OSTF1: variants seen among roughly 807,000 people sequenced by gnomAD.
The protein encoded by OSTF1 is osteoclast-stimulating factor 1.
Under a neutral mutation model 37.2 loss-of-function variants are expected in OSTF1, and 27 were observed. The ratio of observed to expected loss-of-function variants is 0.73; its 90% confidence interval spans 0.54 to 1.00. The LOEUF (loss-of-function observed/expected upper bound fraction) is 1.00, where lower values mean the gene tolerates loss of function less well. Among genes scored for constraint, OSTF1 ranks in the 50% least tolerant of loss-of-function variants. OSTF1 has a pLI of 0.00. For synonymous variants in OSTF1, 82 were observed against 89.2 expected, an observed-to-expected ratio of 0.92 and a Z score of 0.46; for missense variants, 232 against 253.8, an observed-to-expected ratio of 0.91 and a Z score of 0.58.
intron 7 of OSTF1, among the ~76,000 whole-genome samples, chr9:75,136,758 G>C (rs956970298): frequency 6.6e-6 from 1 of 152,114 alleles, no homozygotes; most frequent in Non-Finnish European, 1.5e-5. Flanking sequence ...TGGCGGTTGG[G>C]CTTCTCCATA....
At chr9:75,126,564 G>A (rs1825665039) in intron 2 of OSTF1, among the ~76,000 whole-genome samples, 1 of 152,030 alleles carries the variant, frequency 6.6e-6, no homozygotes, top group Non-Finnish European at 1.5e-5. Context: ...TATTCAGAAA[G>A]TGTTTTTTGG....
intron 1 of OSTF1, among the ~76,000 whole-genome samples, chr9:75,113,180 A>G (rs2118495260): frequency 6.6e-6 from 1 of 152,258 alleles, no homozygotes; most frequent in East Asian, 1.9e-4. Context: ...GATGTTTAGA[A>G]GAATGATTCC....
intron 9 of OSTF1, among the ~76,000 whole-genome samples, chr9:75,146,321 G>A (rs1055906274): frequency 6.6e-6 from 1 of 152,172 alleles, no homozygotes; most frequent in Non-Finnish European, 1.5e-5. Flanking sequence ...TTGCCTTTAG[G>A]CAAGACCTCA....
In OSTF1 at chr9:75,092,075, A is replaced by G. The variant is rs80083971; in HGVS notation, c.34+3349A>G. Among the ~76,000 whole-genome samples, 275 of 152,346 alleles carry G rather than the reference A, an allele frequency of 1.8e-3. 2 individuals carry two copies. Among genetic ancestry groups the G allele is most frequent in the Middle Eastern group, 6.8e-3 (2 of 294 alleles). ...TGGGCAAAACAGCATGGCTCAATTC[A>G]GTAGACAATACTAAAAGGAAAGGAG... On this transcript the variant is annotated intron_variant, in intron 1 of 9. Coordinates refer to ENST00000346234, the MANE Select transcript of OSTF1 (RefSeq NM_012383.5).
chr9:75,121,072 G>T (rs1164704217), intron 2 of OSTF1, among the ~76,000 whole-genome samples: 2 of 152,194 alleles, frequency 1.3e-5, no homozygotes, highest in Non-Finnish European at 2.9e-5. Context: ...TTCAGGACCA[G>T]CTCCACTTCT....
At position 75,147,003 on chromosome 9, in the gene OSTF1, ATT is replaced by A. The variant is rs5898396; in HGVS notation, c.*272_*273del. 62 of 152,422 alleles carry A rather than the reference ATT, an allele frequency of 4.1e-4. No homozygotes were observed. Among genetic ancestry groups the A allele is most frequent in the South Asian group, 8.6e-4 (4 of 4,638 alleles). The allele number at this position is 152,422 out of a possible 1,614,324, so 9.4% of individuals were successfully genotyped here. A position where few individuals can be genotyped will look rare whatever the true frequency, so the allele number is the denominator to read the frequency against. ...TTTATCAAGCAAAAGGAATTTTAAG[ATT>A]TTTTTTTTTCTTTAAAAACAAATTA... On this transcript the variant is annotated 3_prime_UTR_variant, in exon 10 of 10. Coordinates refer to ENST00000346234, the MANE Select transcript of OSTF1 (RefSeq NM_012383.5).
intron 1 of OSTF1, among the ~76,000 whole-genome samples, chr9:75,099,761 G>A (rs1825156950): frequency 6.6e-6 from 1 of 152,168 alleles, no homozygotes; most frequent in Non-Finnish European, 1.5e-5. Flanking sequence ...CCTGGAAGGC[G>A]GAGGTTGCAG....
chr9:75,097,500 G>A (rs913306293), intron 1 of OSTF1, among the ~76,000 whole-genome samples: 1 of 152,196 alleles, frequency 6.6e-6, no homozygotes, highest in African/African-American at 2.4e-5. Flanking sequence ...TTCAGACCAT[G>A]ATAAACTGAG....
At chr9:75,143,349 T>C (rs1825972761) in intron 9 of OSTF1, among the ~76,000 whole-genome samples, 1 of 152,206 alleles carries the variant, frequency 6.6e-6, no homozygotes, top group Admixed American at 6.5e-5. Flanking sequence ...TTTCCAACTT[T>C]TAAAAATTTG....
In OSTF1 at chr9:75,131,754, T is replaced by C. The variant is rs1297932098; in HGVS notation, c.197-16T>C. On this transcript the variant is annotated splice_polypyrimidine_tract_variant and intron_variant, in intron 4 of 9. Coordinates refer to ENST00000346234, the MANE Select transcript of OSTF1 (RefSeq NM_012383.5). ...GCAATTCCACATTGGGTTAACACTT[T>C]TTATTTTCAATCTAGTGGCTGAGCA... 12 of 1,610,874 alleles carry C rather than the reference T, an allele frequency of 7.4e-6. No homozygotes were observed. Among genetic ancestry groups the C allele is most frequent in the Non-Finnish European group, 1.0e-5 (12 of 1,177,078 alleles).
At chr9:75,122,084 C>T (rs546942569) in intron 2 of OSTF1, among the ~76,000 whole-genome samples, 40 of 152,156 alleles carry the variant, frequency 2.6e-4, no homozygotes, top group Non-Finnish European at 5.0e-4. Flanking sequence ...TTTTTCTCAC[C>T]CAGCTCCTTT....
At chr9:75,122,300 A>C (rs369120360) in intron 2 of OSTF1, among the ~76,000 whole-genome samples, 50 of 152,278 alleles carry the variant, frequency 3.3e-4, no homozygotes, top group African/African-American at 1.2e-3. Context: ...GGAATCTAAG[A>C]GCTGAGATAG....
At chr9:75,138,082 T>C (rs1285760586) in intron 8 of OSTF1, among the ~76,000 whole-genome samples, 1 of 152,186 alleles carries the variant, frequency 6.6e-6, no homozygotes, top group Admixed American at 6.5e-5. Flanking sequence ...CGAGAGAGGA[T>C]ATCTTGATCC....
At chr9:75,140,395 A>G (rs553726722) in intron 8 of OSTF1, among the ~76,000 whole-genome samples, 2 of 152,372 alleles carry the variant, frequency 1.3e-5, no homozygotes, top group South Asian at 2.1e-4. Flanking sequence ...GGGAATAATG[A>G]ATTGCCTCTT....
chr9:75,102,041 C>T (rs1587441343), intron 1 of OSTF1, among the ~76,000 whole-genome samples: 1 of 152,234 alleles, frequency 6.6e-6, no homozygotes, highest in Non-Finnish European at 1.5e-5. Flanking sequence ...ACAATTATAG[C>T]TCACTGCAGC....
chr9:75,128,383 TATATATATATATATATA>T, intron 3 of OSTF1, among the ~76,000 whole-genome samples: 1 of 91,596 alleles, frequency 1.1e-5, no homozygotes, highest in African/African-American at 4.7e-5. Flanking sequence ...TATATATATA[TATATATATATATATATA>T]TATATATTTT....
At chr9:75,092,915 A>T (rs1396860754) in intron 1 of OSTF1, among the ~76,000 whole-genome samples, 5 of 152,074 alleles carry the variant, frequency 3.3e-5, no homozygotes, top group Non-Finnish European at 7.4e-5. Context: ...TTTTGGCCAC[A>T]CAAGGTCTGT....
intron 1 of OSTF1, among the ~76,000 whole-genome samples, chr9:75,114,833 C>T (rs1825453565): frequency 6.6e-6 from 1 of 152,206 alleles, no homozygotes; most frequent in South Asian, 2.1e-4. Context: ...GGATTACAGG[C>T]ATGAGCCACC....
chr9:75,124,474 G>A (rs1825631383), intron 2 of OSTF1, among the ~76,000 whole-genome samples: 1 of 152,124 alleles, frequency 6.6e-6, no homozygotes, highest in Non-Finnish European at 1.5e-5. Context: ...CTCTGTCCAT[G>A]AATTCAATTG....
Sources: allele counts gnomAD v4.1 joint callset (sites outside exome capture counted in the v4.1 genomes callset), GRCh38; gene constraint gnomAD v4.1.1; transcripts MANE v1.5; gene names NCBI Gene and HGNC (gene_info 2026-07-23, HGNC 2026-07-21).